The following GABRG3 variants were observed in gnomAD, a reference collection of about 807,000 sequenced individuals.
The protein encoded by GABRG3 is gamma-aminobutyric acid receptor subunit gamma-3.
In GABRG3, 25 loss-of-function variants were observed where a neutral mutation model predicts 48.8. The ratio of observed to expected loss-of-function variants is 0.51; its 90% CI spans 0.37 to 0.72. The LOEUF is 0.72. Ranked by LOEUF, GABRG3 falls within the 30% of genes least tolerant of loss-of-function variation. The probability of loss-of-function intolerance (pLI) is 0.00; values close to 1 mark genes in which losing one functional copy is unlikely to be tolerated. For missense variants in GABRG3, 394 were observed against 577.9 expected (o/e 0.68, Z 3.26); for synonymous variants, 227 against 217.6 (o/e 1.04, Z -0.38).
intron 3 of GABRG3, among the ~76,000 whole-genome samples, chr15:27,149,633 T>C (rs976668142): frequency 1.3e-5 from 2 of 152,212 alleles, no homozygotes; most frequent in African/African-American, 4.8e-5. Context: ...AGTATAACGA[T>C]AGGCATATGC....
In GABRG3 at chr15:27,384,232, C is replaced by A. The variant is rs377101114; in HGVS notation, c.574+55344C>A. Among the ~76,000 whole-genome samples the A allele has an allele frequency of 7.9e-5, 12 of 152,282 alleles. No individual in the cohort carries two copies. In the East Asian group the frequency reaches 1.4e-3, roughly 17 times the overall value. On this transcript the variant is annotated intron_variant, in intron 5 of 9. Coordinates refer to ENST00000615808, the MANE Select transcript of GABRG3 (RefSeq NM_033223.5). ...AAATACCCAGGATACAGCATCATTG[C>A]AAGCAGTGAGAAGATGGCTCAGGCT...
chr15:27,520,195 C>T, intron 7 of GABRG3, 71 bp downstream of exon 7: 1 of 1,361,256 alleles, frequency 7.3e-7, no homozygotes, highest in South Asian at 1.3e-5. Flanking sequence ...AAAATACCTT[C>T]AATGTAAAAG....
chr15:27,361,994 A>G (rs1895038756), intron 5 of GABRG3, among the ~76,000 whole-genome samples: 2 of 152,224 alleles, frequency 1.3e-5, no homozygotes, highest in African/African-American at 4.8e-5. Flanking sequence ...AAATTAATAT[A>G]TACATGTATA....
Position 27,236,832 on chromosome 15 carries a change from TTG to T in GABRG3, c.271-89975_271-89974del, listed in dbSNP as rs1889987656. ...GCATGAAGCGCAATTGCACGTGTGT[TTG>T]TTTTATCAATATTCGTGATTCCTCC... On this transcript the variant is annotated intron_variant, in intron 3 of 9. Transcript: ENST00000615808. The surrounding 1 kb of genome is among the most constrained non-coding windows in gnomAD (Gnocchi z 4.4). Among the ~76,000 whole-genome samples the T allele has an allele frequency of 1.3e-5, 2 of 150,220 alleles. No homozygotes were observed. The highest frequency in any genetic ancestry group is 5.0e-5 in the African/African-American group (2 of 39,854).
intron 3 of GABRG3, among the ~76,000 whole-genome samples, chr15:27,184,832 A>G (rs1445446891): frequency 6.6e-6 from 1 of 152,176 alleles, no homozygotes; most frequent in Non-Finnish European, 1.5e-5. Flanking sequence ...GTAATATTCT[A>G]TATGGTCACC....
chr15:27,042,969 G>A (rs944954956), intron 3 of GABRG3, among the ~76,000 whole-genome samples: 9 of 152,244 alleles, frequency 5.9e-5, no homozygotes, highest in African/African-American at 1.9e-4. Context: ...AAGCTGTCAA[G>A]GGTGGGGGCC....
intron 5 of GABRG3, chr15:27,428,200 A>G (rs1180995768): frequency 6.6e-6 from 1 of 152,148 alleles, no homozygotes; most frequent in African/African-American, 2.4e-5. Flanking sequence ...GTGCAATTTT[A>G]AAGACTTGAG....
intron 3 of GABRG3, among the ~76,000 whole-genome samples, chr15:27,098,864 G>T (rs894843395): frequency 5.3e-5 from 8 of 151,850 alleles, no homozygotes; most frequent in African/African-American, 1.2e-4. Context: ...CTTTGCTCTT[G>T]GTTTCCTCTT....
At chr15:27,026,631 C>T in intron 2 of GABRG3, 123 bp from the exon 3 acceptor site, 1 of 505,450 alleles carries the variant, frequency 2.0e-6, no homozygotes, top group East Asian at 3.3e-5. Flanking sequence ...CAAAGAAAGC[C>T]CTGCTCATGT....
At chr15:27,402,272 GAC>G (rs1887496463) in intron 5 of GABRG3, among the ~76,000 whole-genome samples, 1 of 150,580 alleles carries the variant, frequency 6.6e-6, no homozygotes, top group South Asian at 2.1e-4. Flanking sequence ...CCTCTCTGAA[GAC>G]AGACAAAAAA....
At chr15:27,328,354 G>T (rs1211143000) in intron 4 of GABRG3, among the ~76,000 whole-genome samples, 5 of 152,136 alleles carry the variant, frequency 3.3e-5, no homozygotes, top group African/African-American at 1.2e-4. Flanking sequence ...CCCCCATTTG[G>T]CAGAGCTACC....
intron 5 of GABRG3, among the ~76,000 whole-genome samples, chr15:27,387,993 A>AGAAAGGAAGGAAAGGAAGGAGGGAGG (rs1895997123): frequency 3.4e-5 from 1 of 29,452 alleles, no homozygotes; most frequent in South Asian, 1.6e-3. Flanking sequence ...AGGGAGGGTA[A>AGAAAGGAAGGAAAGGAAGGAGGGAGG]GGAAGGAAGG....
intron 3 of GABRG3, among the ~76,000 whole-genome samples, chr15:27,209,592 A>G (rs1889004536): frequency 1.3e-5 from 2 of 152,130 alleles, no homozygotes; most frequent in South Asian, 4.1e-4. Flanking sequence ...GGGGCACCAC[A>G]CATGAGCCCA....
chr15:27,084,587 G>A (rs1326860526), intron 3 of GABRG3, among the ~76,000 whole-genome samples: 1 of 152,250 alleles, frequency 6.6e-6, no homozygotes, highest in Non-Finnish European at 1.5e-5. Context: ...TGGCACAAGA[G>A]TCAGAGAACC....
chr15:27,092,607 G>A (rs564643385), intron 3 of GABRG3, among the ~76,000 whole-genome samples: 88 of 152,278 alleles, frequency 5.8e-4, no homozygotes, highest in African/African-American at 2.0e-3. Flanking sequence ...GCCGTGCAGC[G>A]GACTGTGCTT....
rs150714799 is a variant in GABRG3, at chr15:27,373,788, T to G, written c.574+44900T>G. Reference sequence around the variant, plus strand: ...TTTATGATTAAAACATGGATAATTTTATCTATAAACATTCAAATTATCATG... The same window carrying G: ...TTTATGATTAAAACATGGATAATTTGATCTATAAACATTCAAATTATCATG... On this transcript the variant is annotated intron_variant, in intron 5 of 9. Coordinates refer to ENST00000615808, the MANE Select transcript of GABRG3 (RefSeq NM_033223.5). 7.8e-3 allele frequency among the ~76,000 whole-genome samples: 1,193 copies of G among 152,292 alleles called. 12 individuals are homozygous for G. The highest frequency in any genetic ancestry group is 0.027 in the African/African-American group (1,109 of 41,572).
chr15:27,522,609 T>TA (rs1223845451), intron 7 of GABRG3, among the ~76,000 whole-genome samples: 5 of 151,702 alleles, frequency 3.3e-5, no homozygotes, highest in African/African-American at 1.2e-4. Context: ...GAAGTAATTC[T>TA]AAAAAAATTC....
At chr15:27,235,953 C>A (rs1164410078) in intron 3 of GABRG3, among the ~76,000 whole-genome samples, 2 of 152,040 alleles carry the variant, frequency 1.3e-5, no homozygotes, top group Non-Finnish European at 2.9e-5. Flanking sequence ...ACGGACACAC[C>A]CTTACTAATG....
intron 5 of GABRG3, chr15:27,420,632 A>C (rs1888085280): frequency 2.6e-5 from 4 of 152,248 alleles, no homozygotes; most frequent in Non-Finnish European, 4.4e-5. Flanking sequence ...ACATATATCA[A>C]AACGTCAAGT....
Sources: gnomAD v4.1 joint callset for allele counts (sites outside exome capture counted in the v4.1 genomes callset) on GRCh38, gnomAD v4.1.1 for gene constraint, Gnocchi (gnomAD v3.1) non-coding constraint, MANE v1.5 for transcripts, NCBI Gene and HGNC (gene_info 2026-07-23, HGNC 2026-07-21) for gene names.